The following ZBTB7C variants were observed in gnomAD, a reference collection of about 807,000 sequenced individuals.
The protein encoded by ZBTB7C is zinc finger and BTB domain-containing protein 7C.
Under a neutral mutation model 25.7 loss-of-function variants are expected in ZBTB7C, and 8 were observed. That is an observed-to-expected ratio of 0.31 (90% CI 0.18 to 0.56). The LOEUF is 0.56. Among genes scored for constraint, ZBTB7C ranks in the 20% least tolerant of loss-of-function variants. The pLI is 0.91. For synonymous variants in ZBTB7C, 394 were observed against 369.0 expected (o/e 1.07, Z -0.78); for missense variants, 824 against 855.2 (o/e 0.96, Z 0.46).
chr18:48,348,772 G>A (rs557986605), intron 1 of ZBTB7C, among the ~76,000 whole-genome samples: 9 of 152,340 alleles, frequency 5.9e-5, no homozygotes, highest in South Asian at 4.1e-4. Context: ...AGCTGAGATC[G>A]TGCCACTGCA....
chr18:48,273,849 T>C (rs2044561652), intron 2 of ZBTB7C, among the ~76,000 whole-genome samples: 1 of 152,104 alleles, frequency 6.6e-6, no homozygotes. Context: ...AGTGAAAATA[T>C]GAGTGATTTT....
intron 2 of ZBTB7C, among the ~76,000 whole-genome samples, chr18:48,239,400 C>T (rs977656979): frequency 6.6e-6 from 1 of 152,188 alleles, no homozygotes; most frequent in African/African-American, 2.4e-5. Flanking sequence ...ACTGCTAGCA[C>T]AACCAGCATT....
chr18:48,131,480 T>C (rs7240202), intron 3 of ZBTB7C, among the ~76,000 whole-genome samples: 2 of 151,994 alleles, frequency 1.3e-5, no homozygotes, highest in African/African-American at 4.8e-5. Context: ...GTTTTTTTTT[T>C]TGTGTGTAAT....
chr18:48,298,578 G>C (rs2045462879), intron 2 of ZBTB7C, among the ~76,000 whole-genome samples: 1 of 152,184 alleles, frequency 6.6e-6, no homozygotes, highest in African/African-American at 2.4e-5. Flanking sequence ...CCAGACCAAT[G>C]CCACATCCTT....
chr18:48,248,991 A>G (rs953367102), intron 2 of ZBTB7C, among the ~76,000 whole-genome samples: 2 of 152,246 alleles, frequency 1.3e-5, no homozygotes, highest in Non-Finnish European at 2.9e-5. Context: ...TAATTCACAG[A>G]AAATTATATA....
intron 3 of ZBTB7C, among the ~76,000 whole-genome samples, chr18:48,067,354 C>T (rs980873558): frequency 2.0e-5 from 3 of 152,166 alleles, no homozygotes; most frequent in African/African-American, 4.8e-5. Context: ...CTCTACTTCC[C>T]TTATTTGTAA....
intron 2 of ZBTB7C, among the ~76,000 whole-genome samples, chr18:48,321,762 C>T (rs539579077): frequency 1.3e-5 from 2 of 152,292 alleles, no homozygotes; most frequent in East Asian, 1.9e-4. Flanking sequence ...CTCACAGAGC[C>T]ACTGAAGATG....
At position 48,029,205 on chromosome 18, in the gene ZBTB7C, G is replaced by C; in HGVS notation, c.*55C>G. ...CAGATCCATGGGGTAGGGTAGAGTG[G>C]GCCTGGAGGGAGAAGGACTGGAGGG... On this transcript the variant is annotated 3_prime_UTR_variant, in exon 5 of 5. Transcript: ENST00000590800. The C allele has an allele frequency of 4.0e-6, 6 of 1,497,196 alleles. No homozygotes were observed. The highest frequency in any genetic ancestry group is 4.4e-6 in the Non-Finnish European group (5 of 1,134,402). The allele number at this position is 1,497,196 out of a possible 1,614,324, so 92.7% of individuals were successfully genotyped here.
At chr18:48,394,868 T>A (rs1444214917) in intron 1 of ZBTB7C, among the ~76,000 whole-genome samples, 1 of 152,224 alleles carries the variant, frequency 6.6e-6, no homozygotes, top group Non-Finnish European at 1.5e-5. Flanking sequence ...AGACTGAAGA[T>A]GTTATAATGT....
chr18:48,106,776 G>C (rs1177129644), intron 3 of ZBTB7C, among the ~76,000 whole-genome samples: 1 of 149,586 alleles, frequency 6.7e-6, no homozygotes, highest in Non-Finnish European at 1.5e-5. Flanking sequence ...CCACCAGCTT[G>C]CAATAAAACC....
At chr18:48,360,853 G>A (rs1183131838) in intron 1 of ZBTB7C, among the ~76,000 whole-genome samples, 1 of 152,168 alleles carries the variant, frequency 6.6e-6, no homozygotes, top group Non-Finnish European at 1.5e-5. Context: ...TGGCGGAAGG[G>A]TGAGGAAAGG....
intron 2 of ZBTB7C, among the ~76,000 whole-genome samples, chr18:48,332,673 C>CTTTTTTTT (rs58216606): frequency 2.3e-5 from 2 of 85,716 alleles, no homozygotes; most frequent in Non-Finnish European, 4.4e-5. Flanking sequence ...CTCTCCTTTG[C>CTTTTTTTT]TTTTTTTTTT....
intron 3 of ZBTB7C, among the ~76,000 whole-genome samples, chr18:48,130,288 G>A (rs1452715612): frequency 1.3e-5 from 2 of 152,206 alleles, no homozygotes; most frequent in African/African-American, 2.4e-5. Flanking sequence ...TTGGTTGAAT[G>A]AGTGACATTC....
intron 2 of ZBTB7C, among the ~76,000 whole-genome samples, chr18:48,235,158 A>G (rs993203081): frequency 1.3e-5 from 2 of 152,158 alleles, no homozygotes; most frequent in African/African-American, 4.8e-5. Flanking sequence ...AAACCTATTT[A>G]TATTTATTGT....
At chr18:48,341,531 A>C (rs1321039104) in intron 1 of ZBTB7C, among the ~76,000 whole-genome samples, 1 of 152,254 alleles carries the variant, frequency 6.6e-6, no homozygotes, top group Admixed American at 6.5e-5. Flanking sequence ...GATAGGTCTT[A>C]TTCGCCACTG....
At chr18:48,300,641 C>T (rs2045521131) in intron 2 of ZBTB7C, among the ~76,000 whole-genome samples, 5 of 152,096 alleles carry the variant, frequency 3.3e-5, no homozygotes, top group Admixed American at 3.3e-4. Context: ...GACATGCAGA[C>T]AGGAAATGAA....
chr18:48,152,590 A>G (rs1208148998), intron 3 of ZBTB7C, among the ~76,000 whole-genome samples: 1 of 152,242 alleles, frequency 6.6e-6, no homozygotes, highest in Admixed American at 6.5e-5. Context: ...CCATTGCATG[A>G]GAAGGAGATC....
At chr18:48,269,582 C>T (rs772507982) in intron 2 of ZBTB7C, among the ~76,000 whole-genome samples, 48 of 152,226 alleles carry the variant, frequency 3.2e-4, no homozygotes, top group Admixed American at 5.9e-4. Context: ...TTCTCTCCTT[C>T]ATGTGCTGAT....
At chr18:48,203,479 T>G (rs1398794269) in intron 2 of ZBTB7C, 1 of 152,244 alleles carries the variant, frequency 6.6e-6, no homozygotes, top group Non-Finnish European at 1.5e-5. Context: ...TGTAGGAATG[T>G]TCTGCAGTGC....
Sources: gnomAD v4.1 joint callset for allele counts (sites outside exome capture counted in the v4.1 genomes callset) on GRCh38, gnomAD v4.1.1 for gene constraint, MANE v1.5 for transcripts, NCBI Gene and HGNC (gene_info 2026-07-23, HGNC 2026-07-21) for gene names.